SS18: variants seen among roughly 807,000 people sequenced by gnomAD.
The protein encoded by SS18 is SS18 subunit of BAF chromatin remodeling complex, also known as protein SSXT.
SS18 carries 28 observed loss-of-function variants against 72.5 expected under a neutral mutation model. That is an observed-to-expected ratio of 0.39 (90% confidence interval 0.29 to 0.53). The LOEUF is 0.53. SS18 is among the 20% of genes least tolerant of loss of function. SS18 has a pLI of 0.76. For synonymous variants in SS18, 172 were observed against 164.2 expected (o/e 1.05, Z -0.37); for missense variants, 518 against 535.3 (o/e 0.97, Z 0.32).
intron 2 of SS18, chr18:26,081,195 A>G (rs1287745236): frequency 6.6e-6 from 1 of 151,366 alleles, no homozygotes; most frequent in Non-Finnish European, 1.5e-5. Flanking sequence ...AAATAAGTAT[A>G]TTCTTTTTTC....
intron 2 of SS18, 151 bp from the exon 3 acceptor site, chr18:26,078,311 T>C (rs2054453764): frequency 1.9e-6 from 1 of 523,530 alleles, no homozygotes; most frequent in South Asian, 3.0e-5. Context: ...CTGCAAAAGT[T>C]CCAAATAATA....
chr18:26,029,800 G>A (rs73944442), intron 10 of SS18, among the ~76,000 whole-genome samples: 14,821 of 152,120 alleles, frequency 0.097, 1,100 homozygotes, highest in African/African-American at 0.19. Context: ...CCATCAAGAC[G>A]TGAACGAACT....
chr18:26,025,563 G>A (rs1274564936), intron 10 of SS18, among the ~76,000 whole-genome samples: 1 of 151,910 alleles, frequency 6.6e-6, no homozygotes, highest in Non-Finnish European at 1.5e-5. Context: ...GATATTGAGC[G>A]ATGATAAAGA....
intron 3 of SS18, among the ~76,000 whole-genome samples, chr18:26,076,294 T>C (rs1306648259): frequency 1.3e-5 from 2 of 149,814 alleles, no homozygotes; most frequent in Non-Finnish European, 3.0e-5. Flanking sequence ...GGAATAAGAT[T>C]AAGTATAACA....
intron 9 of SS18, 71 bp downstream of exon 9, chr18:26,034,934 T>C (rs1259779990): frequency 6.5e-7 from 1 of 1,538,120 alleles, no homozygotes; most frequent in East Asian, 2.3e-5. Context: ...AAGTATTAAA[T>C]ATCCACTTCC....
chr18:26,087,219 TCA>T (rs2054630278), intron 2 of SS18, among the ~76,000 whole-genome samples: 1 of 152,108 alleles, frequency 6.6e-6, no homozygotes, highest in Non-Finnish European at 1.5e-5. Context: ...ACAGGCAAAT[TCA>T]CACAGAGAGT....
intron 9 of SS18, among the ~76,000 whole-genome samples, chr18:26,034,161 T>C (rs1419553268): frequency 6.6e-6 from 1 of 152,166 alleles, no homozygotes; most frequent in East Asian, 1.9e-4. Flanking sequence ...CTGACCTGAG[T>C]TCTAAGATTT....
intron 10 of SS18, among the ~76,000 whole-genome samples, chr18:26,021,549 G>T (rs2053350188): frequency 6.6e-6 from 1 of 152,072 alleles, no homozygotes; most frequent in Non-Finnish European, 1.5e-5. Flanking sequence ...AAATTCCTCT[G>T]ACTACAGTAT....
At chr18:26,025,086 G>T (rs1423083524) in intron 10 of SS18, among the ~76,000 whole-genome samples, 1 of 152,068 alleles carries the variant, frequency 6.6e-6, no homozygotes, top group Non-Finnish European at 1.5e-5. Flanking sequence ...TGGTAAAGGA[G>T]TAAATTCATC....
intron 4 of SS18, among the ~76,000 whole-genome samples, chr18:26,053,655 T>C (rs1338824979): frequency 2.7e-5 from 4 of 150,498 alleles, no homozygotes; most frequent in African/African-American, 7.5e-5. Context: ...AAGGACATAA[T>C]GAGGGAATGA....
At position 26,090,172 on chromosome 18, in the gene SS18, C is replaced by A. The variant is rs1027023711; in HGVS notation, c.69+329G>T. 3 of 356,184 alleles carry A rather than the reference C, an allele frequency of 8.4e-6. No individual in the cohort carries two copies. In the East Asian group the frequency reaches 1.7e-4, roughly 20 times the overall value. The allele number at this position is 356,184 out of a possible 1,614,324, so 22.1% of individuals were successfully genotyped here. ...AACGCGCGGGGCCGCCGGTCCGACA[C>A]ACGCCCTTCCCTGAGCGGCCGCCGC... On this transcript the variant is annotated intron_variant, in intron 1 of 10. Coordinates refer to ENST00000415083, the MANE Select transcript of SS18 (RefSeq NM_001007559.3).
chr18:26,086,471 G>C (rs1485281518), intron 2 of SS18, among the ~76,000 whole-genome samples: 15 of 152,164 alleles, frequency 9.9e-5, no homozygotes. Context: ...ATATTGAAAT[G>C]ATACTATTTT....
intron 4 of SS18, among the ~76,000 whole-genome samples, chr18:26,056,306 A>T (rs1017661063): frequency 3.9e-5 from 6 of 152,218 alleles, no homozygotes; most frequent in African/African-American, 1.4e-4. Context: ...CAAAACTCCT[A>T]ACTAGCTAAC....
At chr18:26,051,808 T>C (rs2143974481) in intron 5 of SS18, among the ~76,000 whole-genome samples, 1 of 152,334 alleles carries the variant, frequency 6.6e-6, no homozygotes, top group African/African-American at 2.4e-5. Context: ...TTATTAAAAA[T>C]CTGTATTATT....
intron 3 of SS18, among the ~76,000 whole-genome samples, chr18:26,072,985 T>C (rs888921045): frequency 2.0e-5 from 3 of 151,950 alleles, no homozygotes; most frequent in South Asian, 4.2e-4. Flanking sequence ...ATTAACACAC[T>C]TGACCTAACC....
At chr18:26,020,505 A>G (rs2053330511) in intron 10 of SS18, among the ~76,000 whole-genome samples, 2 of 152,242 alleles carry the variant, frequency 1.3e-5, no homozygotes, top group East Asian at 1.9e-4. Context: ...ACCATAGTAT[A>G]TAAGCTATAA....
At chr18:26,053,430 C>T (rs562733712) in intron 4 of SS18, among the ~76,000 whole-genome samples, 2 of 151,142 alleles carry the variant, frequency 1.3e-5, no homozygotes, top group East Asian at 3.9e-4. Context: ...AATGGAAGGA[C>T]CTTCTTAAGT....
chr18:26,055,397 G>A (rs1011119677), intron 4 of SS18, among the ~76,000 whole-genome samples: 4 of 151,906 alleles, frequency 2.6e-5, no homozygotes, highest in African/African-American at 2.4e-5. Context: ...AACCCGGGAG[G>A]CAGAGGTTGC....
intron 10 of SS18, among the ~76,000 whole-genome samples, chr18:26,019,942 GA>G (rs1382209609): frequency 6.6e-6 from 1 of 151,814 alleles, no homozygotes; most frequent in East Asian, 1.9e-4. Context: ...AAAATACTCT[GA>G]AAAAAATAGT....
Sources: allele counts gnomAD v4.1 joint callset (sites outside exome capture counted in the v4.1 genomes callset), GRCh38; gene constraint gnomAD v4.1.1; transcripts MANE v1.5; gene names NCBI Gene and HGNC (gene_info 2026-07-23, HGNC 2026-07-21).